RAI2: variants seen among roughly 807,000 people sequenced by gnomAD.
RAI2 encodes the protein retinoic acid-induced protein 2.
RAI2 carries 5 observed loss-of-function variants against 15.3 expected under a neutral mutation model. The observed-to-expected ratio is 0.33, with a 90% CI of 0.17 to 0.69. The LOEUF is 0.69. RAI2 is among the 30% of genes least tolerant of loss of function. RAI2 has a pLI of 0.69. For synonymous variants in RAI2, 191 were observed against 184.0 expected, an observed-to-expected ratio of 1.04 and a Z score of -0.31; for missense variants, 424 against 424.7, an observed-to-expected ratio of 1.00 and a Z score of 0.01.
rs755419926 is a variant in RAI2 at position 17,800,828 on chromosome X, G to A, written c.1183C>T (p.Pro395Ser). 4 of 1,209,725 alleles carry A rather than the reference G, an allele frequency of 3.3e-6. No homozygotes were observed. In the Admixed American group the frequency reaches 6.6e-5, roughly 20 times the overall value. The part of the protein sequence containing the change: ...SFAPATSHEA[P>S]AMMDSHISSS... Reference sequence around the variant, plus strand: ...CTGATGTGACTATCCATCATGGCTGGGGCCTCATGGGACGTGGCAGGGGCA... The same window carrying A: ...CTGATGTGACTATCCATCATGGCTGAGGCCTCATGGGACGTGGCAGGGGCA... Residue 395 changes from proline (P) to serine (S), a missense_variant, in exon 2 of 2, where the codon CCA becomes TCA. Coordinates refer to ENST00000451717, the MANE Select transcript of RAI2 (RefSeq NM_021785.6).
In RAI2 at chrX:17,800,298, T is replaced by C. The variant is rs182188741; in HGVS notation, c.*120A>G. On this transcript the variant is annotated 3_prime_UTR_variant, in exon 2 of 2. Coordinates refer to ENST00000451717, the MANE Select transcript of RAI2 (RefSeq NM_021785.6). ...CAGGGCCTCTAGAGCCAATTCACCT[T>C]TCCATTTCCCAACTACTCCCCAAAA... 1 of 987,297 alleles carries C rather than the reference T, an allele frequency of 1.0e-6. No homozygotes were observed. Among genetic ancestry groups the C allele is most frequent in the East Asian group, 3.1e-5 (1 of 32,004 alleles). 81.4% of individuals were successfully genotyped at this position (987,297 alleles called of 1,213,427 possible). A position where few individuals can be genotyped will look rare whatever the true frequency, so the allele number is the denominator to read the frequency against.
Position 17,851,679 on chromosome X carries a change from C to A in RAI2, c.-25+9419G>T, listed in dbSNP as rs2067537233. Reference sequence around the variant, plus strand: ...TCTATGACCCTTTCCAAGCACAGCACTGTTTAGCTAAGCTTAATAAAGAGA... The same window carrying A: ...TCTATGACCCTTTCCAAGCACAGCAATGTTTAGCTAAGCTTAATAAAGAGA... On this transcript the variant is annotated intron_variant, in intron 1 of 1. Transcript: ENST00000451717. Among the ~76,000 whole-genome samples, 3 of 111,527 alleles carry A rather than the reference C, an allele frequency of 2.7e-5. No homozygotes were observed. In the South Asian group the frequency reaches 1.2e-3, roughly 43 times the overall value.
intron 1 of RAI2, among the ~76,000 whole-genome samples, chrX:17,803,859 C>A (rs746256336): frequency 9.0e-6 from 1 of 111,650 alleles, no homozygotes; most frequent in East Asian, 2.8e-4. Flanking sequence ...GCTGAGGGGG[C>A]TTGCCCTAGC....
chrX:17,802,070 A>G, intron 1 of RAI2, 36 bp from the exon 2 acceptor site: 1 of 1,141,527 alleles, frequency 8.8e-7, no homozygotes, highest in Non-Finnish European at 1.2e-6. Context: ...ATCTTCCTTA[A>G]AAGACTATTT....
rs147563913 is a variant in RAI2 at position 17,808,824 on chromosome X, T to C, written c.-24-6790A>G. Among the ~76,000 whole-genome samples, 604 of 112,309 alleles carry C rather than the reference T, an allele frequency of 5.4e-3. 2 individuals carry two copies. The highest frequency in any genetic ancestry group is 0.023 in the Middle Eastern group (5 of 216). On this transcript the variant is annotated intron_variant, in intron 1 of 1. Coordinates refer to ENST00000451717, the MANE Select transcript of RAI2 (RefSeq NM_021785.6). ...ACCAAACCTTCAATGACTAACCTAA[T>C]TCTGCATAAAAATCACCAGCCACTC...
chrX:17,816,601 G>A (rs908600217), intron 1 of RAI2, among the ~76,000 whole-genome samples: 3 of 112,234 alleles, frequency 2.7e-5, no homozygotes, highest in African/African-American at 9.7e-5. Context: ...TGCAGCTAGC[G>A]AATATTGGCC....
intron 1 of RAI2, among the ~76,000 whole-genome samples, chrX:17,837,099 GC>G (rs2067343602): frequency 8.9e-6 from 1 of 111,868 alleles, no homozygotes; most frequent in African/African-American, 3.3e-5. Flanking sequence ...CTTGTCCTGT[GC>G]CTGGGCTAAG....
chrX:17,858,608 T>A (rs2067648504), intron 1 of RAI2, among the ~76,000 whole-genome samples: 1 of 112,113 alleles, frequency 8.9e-6, no homozygotes, highest in South Asian at 3.8e-4. Flanking sequence ...CAGCAACAGC[T>A]CCTCACACAC....
chrX:17,807,643 G>C (rs1166205788), intron 1 of RAI2, among the ~76,000 whole-genome samples: 3 of 111,819 alleles, frequency 2.7e-5, no homozygotes, highest in Non-Finnish European at 3.8e-5. Context: ...GAAGAGCAGA[G>C]GGTCAGACCC....
intron 1 of RAI2, among the ~76,000 whole-genome samples, chrX:17,849,217 G>A (rs1229486524): frequency 3.5e-5 from 4 of 112,701 alleles, no homozygotes; most frequent in Non-Finnish European, 7.5e-5. Context: ...TCTGCAGAGA[G>A]CAGACAGACG....
At chrX:17,859,061 T>C (rs944138040) in intron 1 of RAI2, among the ~76,000 whole-genome samples, 2 of 111,458 alleles carry the variant, frequency 1.8e-5, no homozygotes, top group Admixed American at 9.5e-5. Context: ...TTCTCTGGGC[T>C]TGTAAGAGGC....
At chrX:17,841,094 AT>A (rs945377001) in intron 1 of RAI2, among the ~76,000 whole-genome samples, 3 of 109,520 alleles carry the variant, frequency 2.7e-5, no homozygotes, top group Admixed American at 9.7e-5. Context: ...TTTTTTTATT[AT>A]TTTTTTGCTG....
At chrX:17,846,268 G>A (rs1482979757) in intron 1 of RAI2, among the ~76,000 whole-genome samples, 1 of 111,520 alleles carries the variant, frequency 9.0e-6, no homozygotes, top group Non-Finnish European at 1.9e-5. Flanking sequence ...CACTCACCAT[G>A]GTTTGCCCAG....
intron 1 of RAI2, among the ~76,000 whole-genome samples, chrX:17,850,485 A>G (rs900317161): frequency 3.9e-4 from 44 of 112,717 alleles, no homozygotes; most frequent in African/African-American, 1.2e-3. Context: ...TCAAGAGGCC[A>G]GTTTTGCCCC....
chrX:17,856,717 GCTGTTCTGGT>G (rs751495340), intron 1 of RAI2, among the ~76,000 whole-genome samples: 6 of 112,492 alleles, frequency 5.3e-5, no homozygotes, highest in Non-Finnish European at 9.4e-5. Flanking sequence ...CTCCATCTTA[GCTGTTCTGGT>G]CTGTTCAGGG....
In RAI2 at chrX:17,836,904, G is replaced by A. The variant is rs1251266415; in HGVS notation, c.-25+24194C>T. Among the ~76,000 whole-genome samples, 4 of 112,188 alleles carry A rather than the reference G, an allele frequency of 3.6e-5. No homozygotes were observed. In the Admixed American group the frequency reaches 3.8e-4, roughly 11 times the overall value. Reference sequence around the variant, plus strand: ...ATAGAGAAGTGAGGCAGGAAAGGAAGGCAAACAATTCAGGATGCGTTAATA... The same window carrying A: ...ATAGAGAAGTGAGGCAGGAAAGGAAAGCAAACAATTCAGGATGCGTTAATA... On this transcript the variant is annotated intron_variant, in intron 1 of 1. Coordinates refer to ENST00000451717, the MANE Select transcript of RAI2 (RefSeq NM_021785.6).
intron 1 of RAI2, among the ~76,000 whole-genome samples, chrX:17,843,375 C>T (rs1433726315): frequency 8.9e-6 from 1 of 112,090 alleles, no homozygotes; most frequent in Non-Finnish European, 1.9e-5. Context: ...GCAGACATTA[C>T]TCATGGCAGC....
chrX:17,849,914 T>G (rs775857072), intron 1 of RAI2, among the ~76,000 whole-genome samples: 1 of 112,289 alleles, frequency 8.9e-6, no homozygotes, highest in African/African-American at 3.2e-5. Flanking sequence ...TTCTCTCTCT[T>G]TCTCTCTCAC....
intron 1 of RAI2, among the ~76,000 whole-genome samples, chrX:17,838,141 G>A (rs1004159279): frequency 2.7e-5 from 3 of 112,331 alleles, no homozygotes; most frequent in African/African-American, 6.5e-5. Flanking sequence ...CTAATCTACC[G>A]ATACCGAAGT....
Sources: gnomAD v4.1 joint callset for allele counts (sites outside exome capture counted in the v4.1 genomes callset) on GRCh38, gnomAD v4.1.1 for gene constraint, MANE v1.5 for transcripts, NCBI Gene and HGNC (gene_info 2026-07-23, HGNC 2026-07-21) for gene names.